ZNF804B: variants seen among roughly 807,000 people sequenced by gnomAD.
ZNF804B encodes zinc finger protein 804B, also known as zinc finger 804B.
In ZNF804B, 80 loss-of-function variants were observed where a neutral mutation model predicts 101.4. The observed-to-expected ratio is 0.79, with a 90% CI of 0.66 to 0.95. ZNF804B has a LOEUF of 0.95. ZNF804B is among the 40% of genes least tolerant of loss of function. The probability of loss-of-function intolerance (pLI) is 0.00; values close to 1 mark genes in which losing one functional copy is unlikely to be tolerated. For missense variants in ZNF804B, 1,673 were observed against 1,561.9 expected (o/e 1.07, Z -1.20); for synonymous variants, 622 against 558.8 (o/e 1.11, Z -1.59).
intron 1 of ZNF804B, among the ~76,000 whole-genome samples, chr7:88,791,935 C>T (rs1790388224): frequency 6.6e-6 from 1 of 152,014 alleles, no homozygotes; most frequent in East Asian, 1.9e-4. Context: ...GCTGGCTTCC[C>T]AGGTTTACTG....
At chr7:88,888,443 C>T (rs1454920217) in intron 1 of ZNF804B, among the ~76,000 whole-genome samples, 2 of 150,536 alleles carry the variant, frequency 1.3e-5, no homozygotes, top group Non-Finnish European at 2.9e-5. Flanking sequence ...AATTAGTTAT[C>T]ATCACCAATG....
At chr7:88,944,160 G>C (rs1562839617) in intron 1 of ZNF804B, among the ~76,000 whole-genome samples, 2 of 151,740 alleles carry the variant, frequency 1.3e-5, no homozygotes, top group Admixed American at 6.6e-5. Context: ...GTTTAACATT[G>C]TACTGGTATC....
chr7:88,968,762 C>G (rs1374284332), intron 1 of ZNF804B, among the ~76,000 whole-genome samples: 1 of 151,514 alleles, frequency 6.6e-6, no homozygotes, highest in Non-Finnish European at 1.5e-5. Context: ...AACTAAACTG[C>G]CTCCTTATCA....
At chr7:88,988,122 G>A (rs1171587615) in intron 1 of ZNF804B, among the ~76,000 whole-genome samples, 1 of 151,680 alleles carries the variant, frequency 6.6e-6, no homozygotes, top group South Asian at 2.1e-4. Flanking sequence ...ATGTCCTCCA[G>A]TTCCATCCAT....
At chr7:89,277,883 T>C (rs1265441287) in intron 2 of ZNF804B, among the ~76,000 whole-genome samples, 2 of 152,070 alleles carry the variant, frequency 1.3e-5, no homozygotes, top group African/African-American at 2.4e-5. Flanking sequence ...GATGGCTGGG[T>C]CAAATGGTAT....
intron 1 of ZNF804B, among the ~76,000 whole-genome samples, chr7:88,928,596 C>T (rs1024178495): frequency 6.6e-6 from 1 of 152,028 alleles, no homozygotes; most frequent in African/African-American, 2.4e-5. Context: ...GGGTGTTTCC[C>T]TTAAAAAGAA....
rs796883947 is a variant in ZNF804B at position 89,224,710 on chromosome 7, GTA to G, written c.249+6417_249+6418del. On this transcript the variant is annotated intron_variant, in intron 2 of 3. Coordinates refer to ENST00000333190, the MANE Select transcript of ZNF804B (RefSeq NM_181646.5). ...TCTGTAAACCAATATTTCTGGCAAA[GTA>G]TGTGTGTGTGTGTGTGTGTGTGTGT... Among the ~76,000 whole-genome samples, 395 of 67,262 alleles carry G rather than the reference GTA, an allele frequency of 5.9e-3. 2 individuals carry two copies. Among genetic ancestry groups the G allele is most frequent in the African/African-American group, 0.021 (362 of 17,638 alleles). The allele number at this position is 67,262 out of a possible 152,430, so 44.1% of individuals were successfully genotyped here.
At chr7:89,198,510 G>A (rs1788587178) in intron 1 of ZNF804B, among the ~76,000 whole-genome samples, 1 of 151,846 alleles carries the variant, frequency 6.6e-6, no homozygotes, top group Admixed American at 6.6e-5. Context: ...ATAAGCTAGT[G>A]TGTTTTATAC....
chr7:89,080,335 G>T (rs1160265503), intron 1 of ZNF804B, among the ~76,000 whole-genome samples: 1 of 151,456 alleles, frequency 6.6e-6, no homozygotes, highest in Non-Finnish European at 1.5e-5. Flanking sequence ...TGCCTTGTGG[G>T]TTGTTGTAGA....
intron 1 of ZNF804B, among the ~76,000 whole-genome samples, chr7:88,808,486 T>A (rs7776501): frequency 1.3e-5 from 2 of 151,706 alleles, no homozygotes; most frequent in South Asian, 2.1e-4. Flanking sequence ...TCATCTTGTC[T>A]AGGGTAGAGG....
chr7:88,892,600 T>G (rs10156139), intron 1 of ZNF804B, among the ~76,000 whole-genome samples: 83,976 of 151,930 alleles, frequency 0.55, 26,802 homozygotes, highest in African/African-American at 0.87. Flanking sequence ...TGTATCCTTG[T>G]TGTTCTTTGA....
At chr7:88,898,181 G>T (rs1792337527) in intron 1 of ZNF804B, among the ~76,000 whole-genome samples, 1 of 142,002 alleles carries the variant, frequency 7.0e-6, no homozygotes, top group African/African-American at 2.7e-5. Flanking sequence ...CCGCCTCCCG[G>T]GTTCACGCCA....
At chr7:88,890,400 A>G (rs1182969546) in intron 1 of ZNF804B, among the ~76,000 whole-genome samples, 2 of 152,210 alleles carry the variant, frequency 1.3e-5, no homozygotes, top group Non-Finnish European at 2.9e-5. Context: ...GCCTAGGAGC[A>G]TGAGAGCTGG....
intron 1 of ZNF804B, among the ~76,000 whole-genome samples, chr7:89,148,668 A>G (rs1375573722): frequency 2.0e-5 from 3 of 152,044 alleles, no homozygotes; most frequent in Non-Finnish European, 4.4e-5. Context: ...ACCCAGGAAA[A>G]CTTCTGCTAT....
At chr7:88,836,073 C>G (rs1405481286) in intron 1 of ZNF804B, among the ~76,000 whole-genome samples, 1 of 151,808 alleles carries the variant, frequency 6.6e-6, no homozygotes, top group African/African-American at 2.4e-5. Flanking sequence ...GATACTGTAT[C>G]AAAGGGACAG....
In ZNF804B at chr7:89,336,754, G is replaced by T; in HGVS notation, c.3772G>T (p.Ala1258Ser). The T allele has an allele frequency of 6.2e-7, 1 of 1,613,918 alleles. No homozygotes were observed. The highest frequency in any genetic ancestry group is 1.3e-5 in the African/African-American group (1 of 74,956). Reference sequence around the variant, plus strand: ...GACTCTGACTCCAACCATTATCCCTGCACACCCCACTTTCTTAGCAGGTCA... The same window carrying T: ...GACTCTGACTCCAACCATTATCCCTTCACACCCCACTTTCTTAGCAGGTCA... ...FSTLTPTIIP[A>S]HPTFLAGHPL... is the part of the protein sequence containing the mutation. Residue 1258 changes from alanine (A) to serine (S), a missense_variant, in exon 4 of 4, where the codon GCA (alanine) becomes TCA (serine). By Grantham distance (99) the Ala-to-Ser change is moderately conservative. Transcript: ENST00000333190.
intron 1 of ZNF804B, among the ~76,000 whole-genome samples, chr7:89,155,998 T>C (rs1357794326): frequency 1.5e-5 from 2 of 129,690 alleles, no homozygotes; most frequent in Non-Finnish European, 3.5e-5. Context: ...TTTCCTTCTT[T>C]CTTTCTTTCT....
At chr7:88,890,159 A>G (rs987405722) in intron 1 of ZNF804B, among the ~76,000 whole-genome samples, 3 of 152,312 alleles carry the variant, frequency 2.0e-5, no homozygotes, top group South Asian at 2.1e-4. Context: ...TATAGAACAC[A>G]TCATAATAAC....
rs1304523960 is a variant in ZNF804B at position 89,194,523 on chromosome 7, C to T, written c.109-23632C>T. 7.3e-5 allele frequency among the ~76,000 whole-genome samples: 11 copies of T among 149,852 alleles called. No individual in the cohort carries two copies. The East Asian group carries it at 1.9e-3, about 26-fold the overall frequency. On this transcript the variant is annotated intron_variant, in intron 1 of 3. Coordinates refer to ENST00000333190, the MANE Select transcript of ZNF804B (RefSeq NM_181646.5). Reference sequence around the variant, plus strand: ...AAGGAAGGGATCCAGTTTCAGCTTTCTATATATGGCTAGCCAGTTTTCCCA... The same window carrying T: ...AAGGAAGGGATCCAGTTTCAGCTTTTTATATATGGCTAGCCAGTTTTCCCA...
Sources: allele counts gnomAD v4.1 joint callset (sites outside exome capture counted in the v4.1 genomes callset), GRCh38; gene constraint gnomAD v4.1.1; transcripts MANE v1.5; gene names NCBI Gene and HGNC (gene_info 2026-07-23, HGNC 2026-07-21).